Variants in SMPD3 observed in about 807,000 individuals in gnomAD.
SMPD3 encodes the protein sphingomyelin phosphodiesterase 3, also known as nSMase-2.
In SMPD3, 21 loss-of-function variants were observed where a neutral mutation model predicts 55.7. The observed-to-expected ratio is 0.38, with a 90% CI of 0.27 to 0.54. The LOEUF is 0.54. Ranked by LOEUF, SMPD3 falls within the 20% of genes least tolerant of loss-of-function variation. The pLI, the probability that SMPD3 is intolerant of heterozygous loss-of-function variation, is 0.80. For missense variants in SMPD3, 842 were observed against 899.6 expected, an observed-to-expected ratio of 0.94 and a Z score of 0.82; for synonymous variants, 457 against 404.3, an observed-to-expected ratio of 1.13 and a Z score of -1.56.
In SMPD3 at chr16:68,360,944, T is replaced by C. The variant is rs2089223818; in HGVS notation, c.*262A>G. The C allele has an allele frequency of 2.1e-6, 1 of 484,848 alleles. No homozygotes were observed. Among genetic ancestry groups the C allele is most frequent in the African/African-American group, 1.9e-5 (1 of 51,562 alleles). The allele number at this position is 484,848 out of a possible 1,614,324, so 30.0% of individuals were successfully genotyped here. ...CCACGGGTTACAAACTCGGTTGTGC[T>C]GTAGATTTGTAGAAAATCGTGTTGT... On this transcript the variant is annotated 3_prime_UTR_variant, in exon 9 of 9. Transcript: ENST00000219334.
chr16:68,384,046 A>G (rs1019790350), intron 2 of SMPD3, among the ~76,000 whole-genome samples: 6 of 152,186 alleles, frequency 3.9e-5, no homozygotes, highest in African/African-American at 1.2e-4. Context: ...CTGCTCCCCT[A>G]TGGCCCTTCA....
At chr16:68,386,216 A>T (rs1285012453) in intron 2 of SMPD3, among the ~76,000 whole-genome samples, 2 of 145,278 alleles carry the variant, frequency 1.4e-5, no homozygotes, top group Non-Finnish European at 3.1e-5. Flanking sequence ...ACGGGTCTCA[A>T]AAAAAAAAAA....
At chr16:68,388,091 C>T (rs1273261136) in intron 1 of SMPD3, among the ~76,000 whole-genome samples, 2 of 152,192 alleles carry the variant, frequency 1.3e-5, no homozygotes, top group Non-Finnish European at 2.9e-5. Flanking sequence ...TGGCCACGGC[C>T]AGGACCAAAT....
At chr16:68,380,887 T>C (rs1345321143) in intron 2 of SMPD3, among the ~76,000 whole-genome samples, 1 of 152,212 alleles carries the variant, frequency 6.6e-6, no homozygotes, top group African/African-American at 2.4e-5. Flanking sequence ...CTGGAACGGA[T>C]TGGCCGACTA....
intron 1 of SMPD3, among the ~76,000 whole-genome samples, chr16:68,422,630 T>G (rs1241485064): frequency 6.6e-6 from 1 of 152,198 alleles, no homozygotes; most frequent in African/African-American, 2.4e-5. Context: ...TTGATGATGC[T>G]GAGGGTTTGG....
chr16:68,425,804 C>T (rs1479013639), intron 1 of SMPD3, among the ~76,000 whole-genome samples: 2 of 152,100 alleles, frequency 1.3e-5, no homozygotes, highest in African/African-American at 2.4e-5. Flanking sequence ...ACAAGCACTC[C>T]CTGCTGAAAG....
intron 1 of SMPD3, among the ~76,000 whole-genome samples, chr16:68,396,288 A>G (rs1444044631): frequency 6.6e-6 from 1 of 151,036 alleles, no homozygotes; most frequent in Non-Finnish European, 1.5e-5. Flanking sequence ...ATCTCCCTCT[A>G]CCCCCAGGAT....
Position 68,359,178 on chromosome 16 carries a change from AGGCAGTC to A in SMPD3, c.*2021_*2027del, listed in dbSNP as rs1470622243. On this transcript the variant is annotated 3_prime_UTR_variant, in exon 9 of 9. Transcript: ENST00000219334. ...CGGGCCTCAACTGCTCTCCCTGTGC[AGGCAGTC>A]GGCAGGCGGCTCGGGGTCTAGGGGT... The A allele has an allele frequency of 6.6e-6, 1 of 152,400 alleles. No individual in the cohort carries two copies. Among genetic ancestry groups the A allele is most frequent in the Non-Finnish European group, 1.5e-5 (1 of 68,108 alleles). 9.4% of individuals were successfully genotyped at this position (152,400 alleles called of 1,614,324 possible). A position where few individuals can be genotyped will look rare whatever the true frequency, so the allele number is the denominator to read the frequency against.
In SMPD3 at chr16:68,360,224, G is replaced by C. The variant is rs1014267942; in HGVS notation, c.*982C>G. On this transcript the variant is annotated 3_prime_UTR_variant, in exon 9 of 9. Transcript: ENST00000219334. ...GTCCCGAACCAGAGAGGTGTCCCGTGGGGGAGAGGATTGGCAGAAAGAAGA... is the reference window on the plus strand; with the variant it reads ...GTCCCGAACCAGAGAGGTGTCCCGTCGGGGAGAGGATTGGCAGAAAGAAGA... 1.3e-5 allele frequency: 2 copies of C among 152,546 alleles called. No homozygotes were observed. Among genetic ancestry groups the C allele is most frequent in the Non-Finnish European group, 2.9e-5 (2 of 68,068 alleles). The allele number at this position is 152,546 out of a possible 1,614,324, so 9.4% of individuals were successfully genotyped here.
In SMPD3 at chr16:68,358,704, G is replaced by A. The variant is rs531009636; in HGVS notation, c.*2502C>T. On this transcript the variant is annotated 3_prime_UTR_variant, in exon 9 of 9. Coordinates refer to ENST00000219334, the MANE Select transcript of SMPD3 (RefSeq NM_018667.4). ...CATTTCCTTCCTCAGTGGCCCCCGC[G>A]CCTTGTGGCTTCCTTTGAGACTGGG... 1 of 152,652 alleles carries A rather than the reference G, an allele frequency of 6.6e-6. No individual in the cohort carries two copies. The highest frequency in any genetic ancestry group is 2.4e-5 in the African/African-American group (1 of 41,578). 9.5% of individuals were successfully genotyped at this position (152,652 alleles called of 1,614,324 possible).
chr16:68,440,911 C>T (rs1427641666), intron 1 of SMPD3, among the ~76,000 whole-genome samples: 5 of 152,312 alleles, frequency 3.3e-5, no homozygotes, highest in South Asian at 2.1e-4. Context: ...GTGCACAATG[C>T]AGTTAGCTAA....
At chr16:68,444,085 G>A (rs1242673675) in intron 1 of SMPD3, among the ~76,000 whole-genome samples, 3 of 152,210 alleles carry the variant, frequency 2.0e-5, no homozygotes, top group Admixed American at 1.3e-4. Flanking sequence ...TGATGAGTTT[G>A]TTCGAAGTAA....
intron 4 of SMPD3, 31 bp downstream of exon 4, chr16:68,364,986 T>G: frequency 6.2e-7 from 1 of 1,613,938 alleles, no homozygotes; most frequent in Non-Finnish European, 8.5e-7. Context: ...ATCCCATGCC[T>G]AGAAAAAACA....
intron 1 of SMPD3, among the ~76,000 whole-genome samples, chr16:68,437,872 G>A (rs961210677): frequency 1.3e-5 from 2 of 152,200 alleles, no homozygotes; most frequent in Non-Finnish European, 2.9e-5. Context: ...TAAGGAGGAT[G>A]GGGTTTGGTT....
intron 1 of SMPD3, among the ~76,000 whole-genome samples, chr16:68,408,681 T>G (rs2090272309): frequency 6.6e-6 from 1 of 152,150 alleles, no homozygotes; most frequent in African/African-American, 2.4e-5. Flanking sequence ...TGTGTTCTAT[T>G]TCTCTGGTCT....
chr16:68,409,858 C>T (rs2090284735), intron 1 of SMPD3, among the ~76,000 whole-genome samples: 1 of 152,218 alleles, frequency 6.6e-6, no homozygotes, highest in African/African-American at 2.4e-5. Context: ...TCCCAAAGTG[C>T]TGGGATTACA....
Position 68,388,878 on chromosome 16 carries a change from C to T in SMPD3, c.-268-2219G>A, listed in dbSNP as rs575845278. ...AATATGCTGTCCCCCTATCCTTTCA[C>T]GAACCACAGACTTTTTCCCTCTTTG... is the stretch of plus-strand genomic sequence containing the variant. On this transcript the variant is annotated intron_variant, in intron 1 of 8. Transcript: ENST00000219334. 5.9e-5 allele frequency among the ~76,000 whole-genome samples: 9 copies of T among 152,210 alleles called. No homozygotes were observed. In the South Asian group the frequency reaches 1.5e-3, roughly 25 times the overall value.
chr16:68,422,085 G>C (rs1302703393), intron 1 of SMPD3, among the ~76,000 whole-genome samples: 1 of 152,230 alleles, frequency 6.6e-6, no homozygotes, highest in Non-Finnish European at 1.5e-5. Context: ...AAGGAGCCAA[G>C]GAATATAGGC....
chr16:68,425,057 A>G (rs758179228), intron 1 of SMPD3, among the ~76,000 whole-genome samples: 11 of 152,176 alleles, frequency 7.2e-5, no homozygotes, highest in Non-Finnish European at 1.5e-5. Flanking sequence ...GTCCCTAATA[A>G]AAGATGCAGA....
Sources: gnomAD v4.1 joint callset for allele counts (sites outside exome capture counted in the v4.1 genomes callset) on GRCh38, gnomAD v4.1.1 for gene constraint, MANE v1.5 for transcripts, NCBI Gene and HGNC (gene_info 2026-07-23, HGNC 2026-07-21) for gene names.